THSD7B: variants seen among roughly 807,000 people sequenced by gnomAD.
The protein encoded by THSD7B is thrombospondin type 1 domain containing 7B.
A neutral mutation model predicts 213.6 loss-of-function variants in THSD7B; 138 were observed. The ratio of observed to expected loss-of-function variants is 0.65; its 90% CI spans 0.56 to 0.74. The LOEUF (loss-of-function observed/expected upper bound fraction) is 0.74, where lower values mean the gene tolerates loss of function less well. Ranked by LOEUF, THSD7B falls within the 30% of genes least tolerant of loss-of-function variation. The probability of loss-of-function intolerance (pLI) is 0.00; values close to 1 mark genes in which losing one functional copy is unlikely to be tolerated. For synonymous variants in THSD7B, 742 were observed against 687.0 expected (o/e 1.08, Z -1.25); for missense variants, 1,931 against 1,991.5 (o/e 0.97, Z 0.58).
In THSD7B at chr2:136,933,934, G is replaced by A. The variant is rs1573718994; in HGVS notation, c.139+51617G>A. 2.6e-5 allele frequency among the ~76,000 whole-genome samples: 4 copies of A among 152,216 alleles called. No individual in the cohort carries two copies. In the Middle Eastern group the frequency reaches 0.014, roughly 518 times the overall value. On this transcript the variant is annotated intron_variant, in intron 2 of 27. Transcript: ENST00000409968. ...CCAAATTCATAGCTATTTAGGTTGCGCTATTAACTGAGGTTCCCAAGCTAG... is the reference window on the plus strand; with the variant it reads ...CCAAATTCATAGCTATTTAGGTTGCACTATTAACTGAGGTTCCCAAGCTAG...
chr2:137,492,278 T>C (rs2105123748), intron 15 of THSD7B, among the ~76,000 whole-genome samples: 1 of 152,328 alleles, frequency 6.6e-6, no homozygotes, highest in Non-Finnish European at 1.5e-5. Context: ...CTCCTTTTTC[T>C]TTCCATCTTA....
intron 5 of THSD7B, among the ~76,000 whole-genome samples, chr2:137,153,863 T>G (rs1679861680): frequency 6.6e-6 from 1 of 152,124 alleles, no homozygotes; most frequent in South Asian, 2.1e-4. Context: ...TTTACATAAG[T>G]AGGCTCTTTC....
At chr2:137,502,633 C>T (rs899959334) in intron 15 of THSD7B, among the ~76,000 whole-genome samples, 1 of 151,796 alleles carries the variant, frequency 6.6e-6, no homozygotes, top group Admixed American at 6.6e-5. Context: ...CTGGAATTCT[C>T]ATCATAACTA....
chr2:137,259,435 A>G (rs1226286434), intron 10 of THSD7B, among the ~76,000 whole-genome samples: 2 of 152,342 alleles, frequency 1.3e-5, no homozygotes, highest in Non-Finnish European at 2.9e-5. Context: ...TCTAGTGATC[A>G]GTGATGATGA....
At chr2:136,785,054 G>A (rs1206944877) in intron 1 of THSD7B, among the ~76,000 whole-genome samples, 1 of 152,162 alleles carries the variant, frequency 6.6e-6, no homozygotes. Flanking sequence ...CTCCCCTGGT[G>A]GCACTTGTTG....
intron 2 of THSD7B, among the ~76,000 whole-genome samples, chr2:136,959,718 G>A (rs1249838390): frequency 2.0e-5 from 3 of 152,166 alleles, no homozygotes; most frequent in Non-Finnish European, 4.4e-5. Context: ...CAAAGGGGCC[G>A]ATATTAATGC....
intron 15 of THSD7B, among the ~76,000 whole-genome samples, chr2:137,546,429 T>C (rs1306330283): frequency 6.6e-5 from 2 of 30,506 alleles, no homozygotes; most frequent in African/African-American, 2.4e-4. Flanking sequence ...ATATATTATA[T>C]ATATATTATA....
At chr2:136,975,828 C>G (rs10202130) in intron 2 of THSD7B, among the ~76,000 whole-genome samples, 11,040 of 152,090 alleles carry the variant, frequency 0.073, 635 homozygotes, top group African/African-American at 0.15. Context: ...GCATAAAATG[C>G]TTTTTCATTT....
At chr2:137,341,890 A>G (rs757244340) in intron 12 of THSD7B, among the ~76,000 whole-genome samples, 13 of 151,576 alleles carry the variant, frequency 8.6e-5, no homozygotes, top group Non-Finnish European at 1.8e-4. Flanking sequence ...GTAAAACTTG[A>G]TATCAGGTAA....
chr2:136,895,594 ATTTAT>A (rs1683945286), intron 2 of THSD7B, among the ~76,000 whole-genome samples: 1 of 126,132 alleles, frequency 7.9e-6, no homozygotes, highest in African/African-American at 3.0e-5. Context: ...AAGATTGGCT[ATTTAT>A]TTTAAGCAAC....
In THSD7B at chr2:136,859,610, G is replaced by T. The variant is rs1649537; in HGVS notation, c.-35-22534G>T. Among the ~76,000 whole-genome samples, 16 of 152,168 alleles carry T rather than the reference G, an allele frequency of 1.1e-4. No homozygotes were observed. In the East Asian group the frequency reaches 2.7e-3, roughly 26 times the overall value. ...ATCAAATAAGATGAGATATGAAGGG[G>T]GTGACTAGAAGGTTGGTGTGGCTGG... On this transcript the variant is annotated intron_variant, in intron 1 of 27. Transcript: ENST00000409968.
chr2:137,424,563 A>T (rs1686999275), intron 14 of THSD7B, among the ~76,000 whole-genome samples: 1 of 152,226 alleles, frequency 6.6e-6, no homozygotes, highest in African/African-American at 2.4e-5. Context: ...CTGGGATGCA[A>T]AGATGTTTCA....
At chr2:137,039,008 G>T (rs952298062) in intron 2 of THSD7B, among the ~76,000 whole-genome samples, 1 of 152,160 alleles carries the variant, frequency 6.6e-6, no homozygotes, top group African/African-American at 2.4e-5. Context: ...GATGGAGAGG[G>T]ATAGTTCTGA....
chr2:137,506,921 C>T (rs1455516313), intron 15 of THSD7B, among the ~76,000 whole-genome samples: 10 of 152,188 alleles, frequency 6.6e-5, no homozygotes, highest in African/African-American at 2.4e-4. Flanking sequence ...TCTGCAGACC[C>T]ACTCATCTCC....
chr2:137,373,264 A>G (rs1356521344), intron 12 of THSD7B, among the ~76,000 whole-genome samples: 1 of 152,164 alleles, frequency 6.6e-6, no homozygotes, highest in Non-Finnish European at 1.5e-5. Flanking sequence ...ATCCCTGAGG[A>G]ATCACCACAC....
At chr2:137,291,186 T>C (rs983109360) in intron 12 of THSD7B, among the ~76,000 whole-genome samples, 3 of 152,158 alleles carry the variant, frequency 2.0e-5, no homozygotes, top group Non-Finnish European at 4.4e-5. Context: ...AAATCTTACC[T>C]TTCTTAACTT....
At chr2:137,653,494 GTTT>G (rs1683175451) in intron 21 of THSD7B, among the ~76,000 whole-genome samples, 1 of 151,416 alleles carries the variant, frequency 6.6e-6, no homozygotes. Context: ...GTTTTCTGTT[GTTT>G]TTTATTTGAA....
intron 17 of THSD7B, among the ~76,000 whole-genome samples, chr2:137,575,725 C>CACATATATAT (rs59620213): frequency 0.064 from 7,136 of 110,782 alleles, 260 homozygotes; most frequent in Middle Eastern, 0.11. Context: ...CCATAACACA[C>CACATATATAT]ATATATATAT....
chr2:136,928,956 G>A (rs554042473), intron 2 of THSD7B, among the ~76,000 whole-genome samples: 34 of 151,938 alleles, frequency 2.2e-4, no homozygotes, highest in Non-Finnish European at 4.4e-4. Flanking sequence ...TATTACCAGA[G>A]TATTAGTTAC....
Sources: allele counts gnomAD v4.1 joint callset (sites outside exome capture counted in the v4.1 genomes callset), GRCh38; gene constraint gnomAD v4.1.1; transcripts MANE v1.5; gene names NCBI Gene and HGNC (gene_info 2026-07-23, HGNC 2026-07-21).